Variants in ANOS1 observed in about 807,000 individuals in gnomAD.
The protein encoded by ANOS1 is anosmin-1.
Under a neutral mutation model 59.0 loss-of-function variants are expected in ANOS1, and 6 were observed. The ratio of observed to expected loss-of-function variants is 0.10; its 90% CI spans 0.06 to 0.20. The LOEUF (loss-of-function observed/expected upper bound fraction) is 0.20, where lower values mean the gene tolerates loss of function less well. Among genes scored for constraint, ANOS1 ranks in the 10% least tolerant of loss-of-function variants. The pLI is 1.00. For missense variants in ANOS1, 433 were observed against 542.3 expected (o/e 0.80, Z 2.00); for synonymous variants, 217 against 223.4 (o/e 0.97, Z 0.25).
chrX:8,534,132 T>C (rs1929547910), intron 13 of ANOS1, among the ~76,000 whole-genome samples, 187 bp downstream of exon 13: 1 of 108,984 alleles, frequency 9.2e-6, no homozygotes, highest in South Asian at 4.0e-4. Flanking sequence ...CAATGTATAC[T>C]ACAGGTGCCT....
At chrX:8,543,590 G>A (rs1198298260) in intron 9 of ANOS1, among the ~76,000 whole-genome samples, 41 of 110,539 alleles carry the variant, frequency 3.7e-4, no homozygotes, top group African/African-American at 1.2e-3. Context: ...CAGGCCGGGC[G>A]TGGTGGCTCA....
At chrX:8,606,879 A>C (rs1930952804) in intron 3 of ANOS1, among the ~76,000 whole-genome samples, 1 of 112,889 alleles carries the variant, frequency 8.9e-6, no homozygotes, top group Non-Finnish European at 1.9e-5. Context: ...GCACTTTGGG[A>C]GGCCAAGGCA....
At chrX:8,728,707 C>T (rs1160151806) in intron 1 of ANOS1, among the ~76,000 whole-genome samples, 4 of 112,464 alleles carry the variant, frequency 3.6e-5, no homozygotes, top group Admixed American at 2.8e-4. Context: ...CTAACATGCA[C>T]TGTTTCTTTT....
intron 1 of ANOS1, among the ~76,000 whole-genome samples, chrX:8,708,668 G>C (rs1380387598): frequency 1.8e-5 from 2 of 111,971 alleles, no homozygotes; most frequent in African/African-American, 6.5e-5. Flanking sequence ...GTTGGTGGGA[G>C]TGTAAATTAG....
chrX:8,677,730 T>C (rs1932358710), intron 2 of ANOS1, among the ~76,000 whole-genome samples: 2 of 112,119 alleles, frequency 1.8e-5, no homozygotes, highest in Non-Finnish European at 3.8e-5. Context: ...GGGCTAAGCA[T>C]ATGTTAAACA....
intron 3 of ANOS1, among the ~76,000 whole-genome samples, chrX:8,610,300 C>A (rs976955246): frequency 9.0e-6 from 1 of 111,368 alleles, no homozygotes; most frequent in South Asian, 3.7e-4. Flanking sequence ...AGACATTGGA[C>A]AATAGGTAGC....
At chrX:8,703,252 A>G (rs1932765539) in intron 1 of ANOS1, among the ~76,000 whole-genome samples, 1 of 112,439 alleles carries the variant, frequency 8.9e-6, no homozygotes, top group Non-Finnish European at 1.9e-5. Flanking sequence ...CAGAGAAGGC[A>G]CATTTCTGAG....
rs191004473 is a variant in ANOS1 at position 8,606,493 on chromosome X, T to C, written c.319-9237A>G. Reference sequence around the variant, plus strand: ...AGTAAATAATAAAACAAATATGGAATTGAAAGAGTAACAATTCCAACCACA... The same window carrying C: ...AGTAAATAATAAAACAAATATGGAACTGAAAGAGTAACAATTCCAACCACA... On this transcript the variant is annotated intron_variant, in intron 3 of 13. Coordinates refer to ENST00000262648, the MANE Select transcript of ANOS1 (RefSeq NM_000216.4). Among the ~76,000 whole-genome samples, 602 of 112,605 alleles carry C rather than the reference T, an allele frequency of 5.3e-3. 6 individuals carry two copies. Among genetic ancestry groups the C allele is most frequent in the African/African-American group, 0.018 (573 of 31,093 alleles).
chrX:8,535,889 C>T, intron 11 of ANOS1, 78 bp from the exon 12 acceptor site: 1 of 811,740 alleles, frequency 1.2e-6, no homozygotes, highest in Non-Finnish European at 1.9e-6. Flanking sequence ...TAGGAATTTT[C>T]AGCGGCCAGT....
chrX:8,704,373 C>T (rs1392232383), intron 1 of ANOS1, among the ~76,000 whole-genome samples: 1 of 111,526 alleles, frequency 9.0e-6, no homozygotes. Flanking sequence ...TTGTCTTCAG[C>T]TGCCCAACCT....
chrX:8,656,074 CAGGAATGG>C (rs1319819187), intron 2 of ANOS1, among the ~76,000 whole-genome samples: 1 of 112,176 alleles, frequency 8.9e-6, no homozygotes, highest in African/African-American at 3.2e-5. Flanking sequence ...CAGTAAATAT[CAGGAATGG>C]AGCTAAGGAA....
chrX:8,566,275 G>C (rs1277361101), intron 8 of ANOS1: 1 of 749,839 alleles, frequency 1.3e-6, no homozygotes, highest in Non-Finnish European at 1.6e-6. Flanking sequence ...TTCAAAATTA[G>C]GCACTTTTAA....
intron 2 of ANOS1, among the ~76,000 whole-genome samples, chrX:8,693,040 GAC>G (rs2146894473): frequency 8.9e-6 from 1 of 112,435 alleles, no homozygotes; most frequent in Non-Finnish European, 1.9e-5. Flanking sequence ...ACAATATTTT[GAC>G]TCTGTGCTAT....
At position 8,658,216 on chromosome X, in the gene ANOS1, C is replaced by T. The variant is rs1229643549; in HGVS notation, c.256-34546G>A. 3.6e-5 allele frequency among the ~76,000 whole-genome samples: 4 copies of T among 111,582 alleles called. No homozygotes were observed. In the East Asian group the frequency reaches 8.5e-4, roughly 24 times the overall value. On this transcript the variant is annotated intron_variant, in intron 2 of 13. Transcript: ENST00000262648. ...GCATGAGCTCAGCTATTTCTAATGC[C>T]TCAGATATGCCCTGGTGCCTCTTGC...
chrX:8,692,785 T>C (rs1467087117), intron 2 of ANOS1, among the ~76,000 whole-genome samples: 3 of 111,909 alleles, frequency 2.7e-5, no homozygotes, highest in Non-Finnish European at 3.8e-5. Context: ...TCCATCAGTA[T>C]TCACTCTTCA....
intron 3 of ANOS1, among the ~76,000 whole-genome samples, chrX:8,602,730 A>AATTATT (rs758760034): frequency 5.5e-5 from 6 of 108,968 alleles, no homozygotes; most frequent in South Asian, 3.9e-4. Flanking sequence ...GTCACTCTCA[A>AATTATT]ATTATTATTA....
intron 1 of ANOS1, among the ~76,000 whole-genome samples, chrX:8,730,990 G>A (rs1054205628): frequency 3.6e-5 from 4 of 111,730 alleles, no homozygotes; most frequent in African/African-American, 1.3e-4. Context: ...GGAGCCAAGC[G>A]CGCGGCTCCC....
chrX:8,530,544 T>A lies in ANOS1; in HGVS notation c.*2451A>T, dbSNP rs1009256157. ...CCCATTAATAGCATTTTTCTTCCAA[T>A]AACACCAATAAAATTTAAATTATTT... On this transcript the variant is annotated 3_prime_UTR_variant, in exon 14 of 14. Transcript: ENST00000262648. 5 of 110,370 alleles carry A rather than the reference T, an allele frequency of 4.5e-5. No homozygotes were observed. Among genetic ancestry groups the A allele is most frequent in the African/African-American group, 1.6e-4 (5 of 30,576 alleles). 9.1% of individuals were successfully genotyped at this position (110,370 alleles called of 1,213,427 possible).
intron 13 of ANOS1, 36 bp downstream of exon 13, chrX:8,534,283 T>G (rs780856531): frequency 8.3e-7 from 1 of 1,201,478 alleles, no homozygotes; most frequent in African/African-American, 1.7e-5. Flanking sequence ...CCACAAGACC[T>G]GACAGGATGG....
Sources: allele counts gnomAD v4.1 joint callset (sites outside exome capture counted in the v4.1 genomes callset), GRCh38; gene constraint gnomAD v4.1.1; transcripts MANE v1.5; gene names NCBI Gene and HGNC (gene_info 2026-07-23, HGNC 2026-07-21).